The following PRKCE variants were observed in gnomAD, a reference collection of about 807,000 sequenced individuals.
PRKCE encodes the protein protein kinase C epsilon type.
PRKCE carries 16 observed loss-of-function variants against 85.4 expected under a neutral mutation model. That is an observed-to-expected ratio of 0.19 (90% CI 0.13 to 0.28). The LOEUF is 0.28. PRKCE is among the 10% of genes least tolerant of loss of function. PRKCE has a pLI of 1.00. For synonymous variants in PRKCE, 388 were observed against 371.5 expected, an observed-to-expected ratio of 1.04 and a Z score of -0.51; for missense variants, 573 against 975.2, an observed-to-expected ratio of 0.59 and a Z score of 5.49.
intron 10 of PRKCE, among the ~76,000 whole-genome samples, chr2:46,039,553 G>A (rs1463118598): frequency 3.3e-5 from 5 of 151,866 alleles, no homozygotes; most frequent in Admixed American, 2.0e-4. Context: ...TTTTAGTAGA[G>A]GGGGAGGGGA....
intron 2 of PRKCE, among the ~76,000 whole-genome samples, chr2:45,847,973 C>G (rs1282165275): frequency 6.6e-6 from 1 of 152,218 alleles, no homozygotes; most frequent in Non-Finnish European, 1.5e-5. Context: ...CTAGACCTGA[C>G]TCAAATCCCA....
chr2:46,009,706 A>G (rs761746077), intron 9 of PRKCE, among the ~76,000 whole-genome samples: 12 of 152,236 alleles, frequency 7.9e-5, no homozygotes, highest in East Asian at 1.9e-4. Flanking sequence ...AAAATACTCA[A>G]TGCAACTTAT....
chr2:46,170,420 C>G (rs1280781533), intron 14 of PRKCE, among the ~76,000 whole-genome samples: 2 of 152,190 alleles, frequency 1.3e-5, no homozygotes, highest in African/African-American at 2.4e-5. Context: ...TTGAATGAGT[C>G]CCCATGTGTT....
chr2:45,761,354 A>G (rs1684483515), intron 1 of PRKCE, among the ~76,000 whole-genome samples: 1 of 142,782 alleles, frequency 7.0e-6, no homozygotes, highest in Non-Finnish European at 1.5e-5. Context: ...AAAAAAATCT[A>G]AGTACAGAAA....
intron 1 of PRKCE, among the ~76,000 whole-genome samples, chr2:45,692,708 GACAC>G (rs61597020): frequency 0.018 from 2,736 of 149,540 alleles, 75 homozygotes; most frequent in African/African-American, 0.063. Context: ...TCCAAGGGAG[GACAC>G]ACACACACAC....
intron 1 of PRKCE, among the ~76,000 whole-genome samples, chr2:45,726,670 A>G (rs575996303): frequency 1.2e-4 from 18 of 152,330 alleles, no homozygotes; most frequent in African/African-American, 4.3e-4. Flanking sequence ...TGAACCTTCA[A>G]TATCTCTGAT....
intron 2 of PRKCE, among the ~76,000 whole-genome samples, chr2:45,919,381 C>T (rs1483528484): frequency 2.6e-5 from 4 of 152,226 alleles, no homozygotes; most frequent in Admixed American, 6.5e-5. Flanking sequence ...AATTACTTGG[C>T]TAGAGAAACC....
intron 10 of PRKCE, among the ~76,000 whole-genome samples, chr2:46,014,351 C>T (rs1333450485): frequency 6.6e-6 from 1 of 152,172 alleles, no homozygotes. Flanking sequence ...CCACATTCGT[C>T]CCAGGTCCTC....
At position 46,151,290 on chromosome 2, in the gene PRKCE, C is replaced by CACAT. The variant is rs1358934385; in HGVS notation, c.1920+64_1920+65insTACA. 14 of 906,964 alleles carry CACAT rather than the reference C, an allele frequency of 1.5e-5. No individual in the cohort carries two copies. In the African/African-American group the frequency reaches 1.8e-4, roughly 12 times the overall value. The allele number at this position is 906,964 out of a possible 1,614,324, so 56.2% of individuals were successfully genotyped here. ...CTGGGCTCCTCCCCCTACACACACACACACACACACACACACACACACACA... is the reference window on the plus strand; with the variant it reads ...CTGGGCTCCTCCCCCTACACACACACACATACACACACACACACACACACACACA... On this transcript the variant is annotated intron_variant, in intron 13 of 14. Coordinates refer to ENST00000306156, the MANE Select transcript of PRKCE (RefSeq NM_005400.3).
chr2:45,876,707 T>C (rs1694512820), intron 2 of PRKCE, among the ~76,000 whole-genome samples: 1 of 152,242 alleles, frequency 6.6e-6, no homozygotes, highest in Non-Finnish European at 1.5e-5. Context: ...TGGATAGCTA[T>C]CTTGGCCAGA....
chr2:45,934,296 A>G (rs1699273635), intron 2 of PRKCE, among the ~76,000 whole-genome samples: 1 of 152,228 alleles, frequency 6.6e-6, no homozygotes, highest in African/African-American at 2.4e-5. Flanking sequence ...AGTGTGAAAA[A>G]AAGTTTCTAT....
At chr2:45,686,977 C>G (rs1338020917) in intron 1 of PRKCE, among the ~76,000 whole-genome samples, 1 of 151,768 alleles carries the variant, frequency 6.6e-6, no homozygotes, top group African/African-American at 2.4e-5. Context: ...CCAGATGAAT[C>G]AAATATTTAA....
chr2:45,684,838 A>T (rs925087639), intron 1 of PRKCE, among the ~76,000 whole-genome samples: 1 of 152,126 alleles, frequency 6.6e-6, no homozygotes, highest in Non-Finnish European at 1.5e-5. Flanking sequence ...TCCCCAGTCA[A>T]CCCCATTTGT....
intron 1 of PRKCE, among the ~76,000 whole-genome samples, chr2:45,672,841 G>A (rs571697842): frequency 4.0e-4 from 61 of 152,208 alleles, no homozygotes; most frequent in African/African-American, 1.2e-3. Context: ...CCTGGGCAAC[G>A]TAGTAAGAGC....
chr2:45,672,779 A>T (rs893443571), intron 1 of PRKCE, among the ~76,000 whole-genome samples: 1 of 152,150 alleles, frequency 6.6e-6, no homozygotes. Context: ...TAATCCCAGC[A>T]CTGTGAGAGG....
intron 2 of PRKCE, among the ~76,000 whole-genome samples, chr2:45,914,333 A>G (rs530219744): frequency 6.6e-6 from 1 of 152,230 alleles, no homozygotes; most frequent in Non-Finnish European, 1.5e-5. Context: ...CACCAGAGGC[A>G]GGGATGAGCA....
chr2:45,761,667 C>G (rs571579660), intron 1 of PRKCE, among the ~76,000 whole-genome samples: 11 of 152,256 alleles, frequency 7.2e-5, no homozygotes, highest in African/African-American at 2.6e-4. Flanking sequence ...TCTCCCCTCT[C>G]GCACCCTCCT....
At chr2:45,771,951 C>G (rs1685371643) in intron 1 of PRKCE, among the ~76,000 whole-genome samples, 1 of 152,108 alleles carries the variant, frequency 6.6e-6, no homozygotes, top group Non-Finnish European at 1.5e-5. Flanking sequence ...CAAACCACAG[C>G]CCCCAACTCT....
chr2:46,130,850 A>T (rs1205316911), intron 11 of PRKCE, among the ~76,000 whole-genome samples: 1 of 152,238 alleles, frequency 6.6e-6, no homozygotes, highest in African/African-American at 2.4e-5. Context: ...TAAAACTGCA[A>T]ATGCCAAATG....
Sources: allele counts gnomAD v4.1 joint callset (sites outside exome capture counted in the v4.1 genomes callset), GRCh38; gene constraint gnomAD v4.1.1; transcripts MANE v1.5; gene names NCBI Gene and HGNC (gene_info 2026-07-23, HGNC 2026-07-21).